Variants in RALYL observed in about 807,000 individuals in gnomAD.
RALYL encodes RNA-binding Raly-like protein.
Under a neutral mutation model 35.1 loss-of-function variants are expected in RALYL, and 29 were observed. The ratio of observed to expected loss-of-function variants is 0.83; its 90% CI spans 0.61 to 1.13. The LOEUF is 1.13. Ranked by LOEUF, RALYL falls within the 50% of genes most tolerant of loss-of-function variation. The pLI, the probability that RALYL is intolerant of heterozygous loss-of-function variation, is 0.00. For missense variants in RALYL, 359 were observed against 360.4 expected, an observed-to-expected ratio of 1.00 and a Z score of 0.03; for synonymous variants, 120 against 127.6, an observed-to-expected ratio of 0.94 and a Z score of 0.40.
intron 1 of RALYL, among the ~76,000 whole-genome samples, chr8:84,326,707 C>T (rs1425653507): frequency 6.6e-6 from 1 of 151,878 alleles, no homozygotes; most frequent in Non-Finnish European, 1.5e-5. Flanking sequence ...TTTTATATAA[C>T]TAAGGTAAAA....
intron 1 of RALYL, among the ~76,000 whole-genome samples, chr8:84,470,214 T>A (rs1011669989): frequency 6.6e-6 from 1 of 152,180 alleles, no homozygotes; most frequent in African/African-American, 2.4e-5. Context: ...TGATTAAAGA[T>A]GTACACATCC....
At chr8:84,275,239 T>C (rs1346787534) in intron 1 of RALYL, among the ~76,000 whole-genome samples, 1 of 152,166 alleles carries the variant, frequency 6.6e-6, no homozygotes, top group Non-Finnish European at 1.5e-5. Flanking sequence ...TTTTGAAATC[T>C]TAGCTTGCTA....
At chr8:84,665,687 C>T (rs1414950990) in intron 2 of RALYL, 2 of 151,856 alleles carry the variant, frequency 1.3e-5, no homozygotes, top group East Asian at 3.9e-4. Context: ...TTATTTGAAT[C>T]TTCTCTTTTT....
chr8:84,491,255 C>T (rs1156822120), intron 1 of RALYL, among the ~76,000 whole-genome samples: 1 of 152,020 alleles, frequency 6.6e-6, no homozygotes, highest in African/African-American at 2.4e-5. Context: ...GGCATCTCAT[C>T]ATATGTGGTG....
At chr8:84,849,418 T>G (rs757140245) in intron 4 of RALYL, among the ~76,000 whole-genome samples, 2 of 152,242 alleles carry the variant, frequency 1.3e-5, no homozygotes, top group African/African-American at 2.4e-5. Context: ...TACCTTTTGT[T>G]CATTATGTAG....
At chr8:84,890,242 C>T (rs1843592808) in intron 8 of RALYL, among the ~76,000 whole-genome samples, 1 of 152,056 alleles carries the variant, frequency 6.6e-6, no homozygotes, top group South Asian at 2.1e-4. Context: ...AGTATACATA[C>T]CTGAAGACTC....
intron 2 of RALYL, among the ~76,000 whole-genome samples, chr8:84,606,258 G>T (rs936674466): frequency 1.3e-5 from 2 of 152,118 alleles, no homozygotes; most frequent in Non-Finnish European, 2.9e-5. Flanking sequence ...TAATTGGTCT[G>T]CAGCAGAGAG....
rs140825240 is a variant in RALYL, at chr8:84,507,258, T to A, written c.-23-22041T>A. On this transcript the variant is annotated intron_variant, in intron 1 of 8. Coordinates refer to ENST00000521268, the MANE Select transcript of RALYL (RefSeq NM_173848.7). ...AGTTTCTCTTTTGATTTTTTCTTAT[T>A]GACTGCAGGTACACAGAATTAAATT... 3.4e-3 allele frequency among the ~76,000 whole-genome samples: 522 copies of A among 152,272 alleles called. 4 individuals are homozygous for A. Among genetic ancestry groups the A allele is most frequent in the African/African-American group, 0.012 (507 of 41,574 alleles).
intron 1 of RALYL, among the ~76,000 whole-genome samples, chr8:84,235,078 A>G (rs946579690): frequency 6.6e-6 from 1 of 152,120 alleles, no homozygotes; most frequent in Non-Finnish European, 1.5e-5. Flanking sequence ...GCAAAATTTT[A>G]GAAATAGAAA....
Position 84,722,617 on chromosome 8 carries a change from T to TTATATATATA in RALYL, c.257-51940_257-51931dup, listed in dbSNP as rs71823678. On this transcript the variant is annotated intron_variant, in intron 2 of 8. Transcript: ENST00000521268. Reference sequence around the variant, plus strand: ...AGGTCAGTATATTCCTAGAGTGATTTTATATATATATATATATATATATAT... The same window carrying TTATATATATA: ...AGGTCAGTATATTCCTAGAGTGATTTTATATATATATATATATATATATATATATATATAT... Among the ~76,000 whole-genome samples, 277 of 97,318 alleles carry TTATATATATA rather than the reference T, an allele frequency of 2.8e-3. 1 individual carries two copies. Among genetic ancestry groups the TTATATATATA allele is most frequent in the African/African-American group, 6.4e-3 (123 of 19,214 alleles). The allele number at this position is 97,318 out of a possible 152,430, so 63.8% of individuals were successfully genotyped here.
chr8:84,366,948 T>C (rs1346124208), intron 1 of RALYL, among the ~76,000 whole-genome samples: 3 of 151,732 alleles, frequency 2.0e-5, no homozygotes, highest in Admixed American at 6.6e-5. Context: ...GGAAATAGCC[T>C]CTATATGACC....
At chr8:84,463,549 A>G (rs2051083347) in intron 1 of RALYL, among the ~76,000 whole-genome samples, 1 of 152,044 alleles carries the variant, frequency 6.6e-6, no homozygotes, top group South Asian at 2.1e-4. Flanking sequence ...TAATAGAAAA[A>G]TGCTGCATTT....
At chr8:84,905,133 T>TTC (rs1433096814) in intron 8 of RALYL, among the ~76,000 whole-genome samples, 1 of 152,198 alleles carries the variant, frequency 6.6e-6, no homozygotes, top group Non-Finnish European at 1.5e-5. Context: ...ATTTCACTCT[T>TTC]TGATTCTACA....
At chr8:84,545,856 C>T (rs1470044359) in intron 2 of RALYL, among the ~76,000 whole-genome samples, 1 of 152,116 alleles carries the variant, frequency 6.6e-6, no homozygotes, top group Non-Finnish European at 1.5e-5. Flanking sequence ...ACTATATAGT[C>T]ATATCTACAA....
At chr8:84,693,235 G>A (rs1838430409) in intron 2 of RALYL, among the ~76,000 whole-genome samples, 1 of 151,946 alleles carries the variant, frequency 6.6e-6, no homozygotes, top group South Asian at 2.1e-4. Context: ...AAGTGCCTGA[G>A]ACTGAGCAAT....
At chr8:84,559,304 ATTATAC>A (rs1443948843) in intron 2 of RALYL, among the ~76,000 whole-genome samples, 1 of 152,094 alleles carries the variant, frequency 6.6e-6, no homozygotes, top group Non-Finnish European at 1.5e-5. Flanking sequence ...CATTAAAATA[ATTATAC>A]TTAGGGAAGT....
intron 2 of RALYL, among the ~76,000 whole-genome samples, chr8:84,648,909 T>C (rs1195368422): frequency 2.0e-5 from 3 of 151,760 alleles, no homozygotes; most frequent in Non-Finnish European, 4.4e-5. Context: ...TCTCACCAAA[T>C]CTTTTGGAGT....
chr8:84,330,078 G>A lies in RALYL; in HGVS notation c.-24+145654G>A, dbSNP rs1020354490. On this transcript the variant is annotated intron_variant, in intron 1 of 8. Transcript: ENST00000521268. ...ATCTCAATTGAAATTAAACAAAAAC[G>A]TGGACATTCAATCCACAATGTAGAT... Among the ~76,000 whole-genome samples, 28 of 151,906 alleles carry A rather than the reference G, an allele frequency of 1.8e-4. 1 individual carries two copies. Among genetic ancestry groups the A allele is most frequent in the Admixed American group, 9.2e-4 (14 of 15,220 alleles).
At chr8:84,528,721 G>T (rs1159195922) in intron 1 of RALYL, among the ~76,000 whole-genome samples, 1 of 151,868 alleles carries the variant, frequency 6.6e-6, no homozygotes, top group East Asian at 1.9e-4. Flanking sequence ...TTTTAAAATT[G>T]TGGTTTTCTT....
Sources: allele counts gnomAD v4.1 joint callset (sites outside exome capture counted in the v4.1 genomes callset), GRCh38; gene constraint gnomAD v4.1.1; transcripts MANE v1.5; gene names NCBI Gene and HGNC (gene_info 2026-07-23, HGNC 2026-07-21).